SVBP: variants seen among roughly 807,000 people sequenced by gnomAD.
The protein encoded by SVBP is small vasohibin-binding protein.
A neutral mutation model predicts 9.2 loss-of-function variants in SVBP; 9 were observed. That is an observed-to-expected ratio of 0.98 (90% CI 0.59 to 1.71). SVBP has a LOEUF of 1.71. Ranked by LOEUF, SVBP falls within the 40% of genes most tolerant of loss-of-function variation. The pLI, the probability that SVBP is intolerant of heterozygous loss-of-function variation, is 0.00. For synonymous variants in SVBP, 27 were observed against 23.9 expected, an observed-to-expected ratio of 1.13 and a Z score of -0.37; for missense variants, 63 against 73.2, an observed-to-expected ratio of 0.86 and a Z score of 0.51.
In SVBP at chr1:42,816,848, G is replaced by A. The variant is rs535767398; in HGVS notation, c.-36-268C>T. ...AAGTGTTTTCCTGGCCTCCCTCCAGGAGCTGCTGTGTGCGGGTGAAATGCA... is the reference window on the plus strand; with the variant it reads ...AAGTGTTTTCCTGGCCTCCCTCCAGAAGCTGCTGTGTGCGGGTGAAATGCA... On this transcript the variant is annotated intron_variant, in intron 1 of 2. Transcript: ENST00000372521. The A allele has an allele frequency of 2.0e-5, 6 of 295,892 alleles. No individual in the cohort carries two copies. The East Asian group carries it at 4.8e-4, about 24-fold the overall frequency. The allele number at this position is 295,892 out of a possible 1,614,324, so 18.3% of individuals were successfully genotyped here. A position where few individuals can be genotyped will look rare whatever the true frequency, so the allele number is the denominator to read the frequency against.
intron 2 of SVBP, among the ~76,000 whole-genome samples, chr1:42,810,149 CACACAT>C (rs1165940965): frequency 5.3e-4 from 78 of 148,340 alleles, no homozygotes; most frequent in African/African-American, 1.9e-3. Flanking sequence ...CACACACACA[CACACAT>C]ATATTTTTTT....
Position 42,813,574 on chromosome 1 carries a change from G to C in SVBP, c.114+2857C>G, listed in dbSNP as rs72958978. 1,053 of 530,562 alleles carry C rather than the reference G, an allele frequency of 2.0e-3. 16 individuals are homozygous for C. Among genetic ancestry groups the C allele is most frequent in the African/African-American group, 0.019 (993 of 51,874 alleles). The allele number at this position is 530,562 out of a possible 1,614,324, so 32.9% of individuals were successfully genotyped here. On this transcript the variant is annotated intron_variant, in intron 2 of 2. Transcript: ENST00000372521. ...AACAGAGATACTCCATTTTCATTTG[G>C]TTTTCCAAATTGGGGGTGCTCTCCA...
chr1:42,817,290 C>A lies in SVBP; in HGVS notation c.-137G>T, dbSNP rs775964209. On this transcript the variant is annotated 5_prime_UTR_variant, in exon 1 of 3. Transcript: ENST00000372521. ...CTTCCCCCGACCACTGGACCCAGCG[C>A]TGCCTGCCCACCGCCCCTCGTCCTG... The A allele has an allele frequency of 6.0e-5, 73 of 1,213,502 alleles. No homozygotes were observed. In the East Asian group the frequency reaches 4.7e-3, roughly 79 times the overall value. 75.2% of individuals were successfully genotyped at this position (1,213,502 alleles called of 1,614,324 possible). A position where few individuals can be genotyped will look rare whatever the true frequency, so the allele number is the denominator to read the frequency against.
intron 2 of SVBP, among the ~76,000 whole-genome samples, chr1:42,814,918 C>T (rs933613498): frequency 6.6e-6 from 1 of 152,056 alleles, no homozygotes; most frequent in Non-Finnish European, 1.5e-5. Context: ...CACATGCACA[C>T]GTATGTTTAT....
intron 2 of SVBP, among the ~76,000 whole-genome samples, chr1:42,810,620 G>C (rs1222206692): frequency 6.6e-6 from 1 of 152,074 alleles, no homozygotes; most frequent in East Asian, 1.9e-4. Flanking sequence ...GACTCACAAT[G>C]GGTCAGGGTG....
chr1:42,815,099 T>C (rs1654168606), intron 2 of SVBP, among the ~76,000 whole-genome samples: 1 of 151,552 alleles, frequency 6.6e-6, no homozygotes, highest in Non-Finnish European at 1.5e-5. Context: ...ACCATCATTC[T>C]CAGCAAACTA....
rs906701563 is a variant in SVBP at position 42,817,161 on chromosome 1, C to A, written c.-37+29G>T. On this transcript the variant is annotated intron_variant, in intron 1 of 2. Transcript: ENST00000372521. ...GGAGGAAAATGGCGGTCGCTGGAGC[C>A]GCCGACCAAGAGGCTTGGGAGTCTG... is the stretch of plus-strand genomic sequence containing the variant. The A allele has an allele frequency of 1.5e-5, 18 of 1,204,382 alleles. No individual in the cohort carries two copies. In the African/African-American group the frequency reaches 2.8e-4, roughly 19 times the overall value. The allele number at this position is 1,204,382 out of a possible 1,614,324, so 74.6% of individuals were successfully genotyped here.
intron 2 of SVBP, among the ~76,000 whole-genome samples, chr1:42,811,004 T>C (rs1364369175): frequency 6.6e-6 from 1 of 152,030 alleles, no homozygotes; most frequent in African/African-American, 2.4e-5. Context: ...CCAGGCATGG[T>C]GGCGGGTGCC....
intron 2 of SVBP, among the ~76,000 whole-genome samples, chr1:42,815,409 A>T (rs1284177378): frequency 6.6e-6 from 1 of 151,946 alleles, no homozygotes; most frequent in East Asian, 1.9e-4. Flanking sequence ...TCTCAAAAAA[A>T]AAAAGCAATG....
chr1:42,812,660 C>T (rs1383999924), intron 2 of SVBP, among the ~76,000 whole-genome samples: 2 of 152,178 alleles, frequency 1.3e-5, no homozygotes, highest in African/African-American at 4.8e-5. Context: ...TCTGGAAAAA[C>T]TTTACACATT....
Position 42,813,278 on chromosome 1 carries a change from T to G in SVBP, c.114+3153A>C, listed in dbSNP as rs1446462420. On this transcript the variant is annotated intron_variant, in intron 2 of 2. Coordinates refer to ENST00000372521, the MANE Select transcript of SVBP (RefSeq NM_199342.4). ...ATCTTTAGAAAACTGGAAGAGGGGATGCTCTTTTATAGCATGAAAGGAATT... is the reference window on the plus strand; with the variant it reads ...ATCTTTAGAAAACTGGAAGAGGGGAGGCTCTTTTATAGCATGAAAGGAATT... The G allele has an allele frequency of 1.3e-5, 3 of 239,782 alleles. 1 individual carries two copies. Among genetic ancestry groups the G allele is most frequent in the African/African-American group, 2.2e-5 (1 of 44,580 alleles). The allele number at this position is 239,782 out of a possible 1,614,324, so 14.9% of individuals were successfully genotyped here.
chr1:42,809,431 CT>C (rs1206343816), intron 2 of SVBP, among the ~76,000 whole-genome samples: 1 of 151,834 alleles, frequency 6.6e-6, no homozygotes, highest in African/African-American at 2.4e-5. Context: ...CTTGAAAATA[CT>C]AAAAAAAACC....
chr1:42,814,063 G>A (rs1654139628), intron 2 of SVBP, among the ~76,000 whole-genome samples: 1 of 151,742 alleles, frequency 6.6e-6, no homozygotes, highest in African/African-American at 2.4e-5. Context: ...CTCGAACAGT[G>A]CCTGGCACAT....
At chr1:42,810,901 A>G (rs965483083) in intron 2 of SVBP, among the ~76,000 whole-genome samples, 2 of 152,170 alleles carry the variant, frequency 1.3e-5, no homozygotes, top group African/African-American at 4.8e-5. Context: ...GCACTTTGGG[A>G]GGCCGAGGTG....
intron 2 of SVBP, among the ~76,000 whole-genome samples, chr1:42,810,192 A>C (rs2124244899): frequency 6.6e-6 from 1 of 152,136 alleles, no homozygotes; most frequent in Non-Finnish European, 1.5e-5. Context: ...CTCTGTCACC[A>C]GGCTGGAGTG....
intron 2 of SVBP, chr1:42,813,408 CA>C (rs970388364): frequency 3.6e-6 from 2 of 558,304 alleles, no homozygotes; most frequent in Non-Finnish European, 7.1e-6. Context: ...CTACCTGAGC[CA>C]GGGGCCCAAG....
intron 2 of SVBP, 141 bp from the exon 3 acceptor site, chr1:42,807,641 A>G (rs772538355): frequency 2.6e-5 from 16 of 626,390 alleles, no homozygotes; most frequent in Non-Finnish European, 4.3e-5. Context: ...GGGAATAGGA[A>G]AGTTAGATAT....
intron 2 of SVBP, among the ~76,000 whole-genome samples, chr1:42,814,425 C>T (rs983537922): frequency 5.3e-5 from 8 of 151,192 alleles, no homozygotes; most frequent in African/African-American, 1.2e-4. Context: ...TTGACAATAT[C>T]GGCCGGGTGC....
rs773065065 is a variant in SVBP, at chr1:42,807,383, T to C, written c.*31A>G. ...AACTGGCAACACCCTCTCAAAGCTC[T>C]CAGGATCCCATCTGGTTTGAACCTG... On this transcript the variant is annotated 3_prime_UTR_variant, in exon 3 of 3. Transcript: ENST00000372521. The C allele has an allele frequency of 5.7e-6, 9 of 1,565,300 alleles. No homozygotes were observed. Among genetic ancestry groups the C allele is most frequent in the Non-Finnish European group, 7.9e-6 (9 of 1,135,938 alleles).
Sources: gnomAD v4.1 joint callset for allele counts (sites outside exome capture counted in the v4.1 genomes callset) on GRCh38, gnomAD v4.1.1 for gene constraint, MANE v1.5 for transcripts, NCBI Gene and HGNC (gene_info 2026-07-23, HGNC 2026-07-21) for gene names.